DENND2B: variants seen among roughly 807,000 people sequenced by gnomAD.
DENND2B encodes the protein DENN domain containing 2B.
In DENND2B, 32 loss-of-function variants were observed where a neutral mutation model predicts 116.0. The observed-to-expected ratio is 0.28, with a 90% CI of 0.21 to 0.37. The LOEUF is 0.37. DENND2B is among the 10% of genes least tolerant of loss of function. The probability of loss-of-function intolerance (pLI) is 1.00; values close to 1 mark genes in which losing one functional copy is unlikely to be tolerated. For synonymous variants in DENND2B, 588 were observed against 583.9 expected (o/e 1.01, Z -0.10); for missense variants, 1,276 against 1,477.7 (o/e 0.86, Z 2.24).
intron 4 of DENND2B, among the ~76,000 whole-genome samples, chr11:8,838,936 AAC>A (rs2062527295): frequency 6.6e-6 from 1 of 152,222 alleles, no homozygotes. Context: ...TTAGGCCTAC[AAC>A]ACAGATGTAT....
At chr11:8,857,988 G>A (rs59314648) in intron 2 of DENND2B, among the ~76,000 whole-genome samples, 4,802 of 152,234 alleles carry the variant, frequency 0.032, 99 homozygotes, top group African/African-American at 0.047. Context: ...ACACTATTCT[G>A]TCCCCTCTGT....
At chr11:8,817,534 C>A (rs2061610250) in intron 4 of DENND2B, among the ~76,000 whole-genome samples, 1 of 152,150 alleles carries the variant, frequency 6.6e-6, no homozygotes, top group Non-Finnish European at 1.5e-5. Context: ...CAGCACCCCA[C>A]CCCTGACCTT....
chr11:8,820,508 T>C (rs1300291373), intron 4 of DENND2B, among the ~76,000 whole-genome samples: 1 of 152,174 alleles, frequency 6.6e-6, no homozygotes, highest in African/African-American at 2.4e-5. Context: ...AATCTCCATA[T>C]CAGTCATTCC....
At chr11:8,858,649 G>A (rs1192856344) in intron 2 of DENND2B, among the ~76,000 whole-genome samples, 2 of 152,096 alleles carry the variant, frequency 1.3e-5, no homozygotes, top group East Asian at 3.9e-4. Flanking sequence ...TCCATATGAG[G>A]GTAAAAAATA....
At chr11:8,815,817 C>A (rs1389650229) in intron 4 of DENND2B, among the ~76,000 whole-genome samples, 1 of 152,116 alleles carries the variant, frequency 6.6e-6, no homozygotes, top group Non-Finnish European at 1.5e-5. Flanking sequence ...TCAATGTATG[C>A]AATAAGTGTG....
At chr11:8,888,520 C>A (rs571532772) in intron 1 of DENND2B, among the ~76,000 whole-genome samples, 1 of 152,256 alleles carries the variant, frequency 6.6e-6, no homozygotes, top group African/African-American at 2.4e-5. Flanking sequence ...AATTGGCAAT[C>A]ATTTCTGGGA....
At chr11:8,789,712 G>C (rs1250740688) in intron 1 of DENND2B, among the ~76,000 whole-genome samples, 2 of 151,982 alleles carry the variant, frequency 1.3e-5, no homozygotes, top group Non-Finnish European at 2.9e-5. Context: ...TTCATGTTAA[G>C]AAATAAGAAG....
At chr11:8,745,451 G>A (rs186449794) in intron 2 of DENND2B, among the ~76,000 whole-genome samples, 7 of 152,284 alleles carry the variant, frequency 4.6e-5, no homozygotes, top group Admixed American at 2.0e-4. Flanking sequence ...GGGAGAGAGT[G>A]AGTGTATTTT....
At chr11:8,751,933 C>A (rs547902025) in intron 1 of DENND2B, among the ~76,000 whole-genome samples, 1 of 152,254 alleles carries the variant, frequency 6.6e-6, no homozygotes, top group South Asian at 2.1e-4. Flanking sequence ...AAAAAAGTCA[C>A]CTCATTCTAA....
In DENND2B at chr11:8,714,690, T is replaced by C; in HGVS notation, c.1862A>G (p.Asn621Ser). ...TCCTCTCTTGGCATTGTAGATGGAG[T>C]TAATTCTTTGGACAAGCTGGGTGAG... is the stretch of plus-strand genomic sequence containing the variant. The part of the protein sequence containing the change: ...RRIPKLVQRI[N>S]SIYNAKRGKK... Residue 621 changes from asparagine to serine, a missense_variant, in exon 7 of 20, where the codon AAC becomes AGC. This residue lies in a region of DENND2B where 856 missense variants were observed against 846.6 expected (regional missense o/e 1.01). Coordinates refer to ENST00000313726, the MANE Select transcript of DENND2B (RefSeq NM_213618.2). 1 of 1,614,140 alleles carries C rather than the reference T, an allele frequency of 6.2e-7. No individual in the cohort carries two copies. The highest frequency in any genetic ancestry group is 1.1e-5 in the South Asian group (1 of 91,076).
chr11:8,832,774 T>C (rs2062268673), intron 4 of DENND2B, among the ~76,000 whole-genome samples: 1 of 152,218 alleles, frequency 6.6e-6, no homozygotes, highest in Admixed American at 6.5e-5. Flanking sequence ...ACAAGGATTC[T>C]GGCAATTCAG....
intron 3 of DENND2B, among the ~76,000 whole-genome samples, chr11:8,840,178 G>A (rs182270842): frequency 7.4e-4 from 112 of 152,058 alleles, no homozygotes; most frequent in Admixed American, 2.0e-3. Flanking sequence ...CTCCAGAGAG[G>A]CCAACACACA....
intron 1 of DENND2B, among the ~76,000 whole-genome samples, chr11:8,796,560 A>G (rs1340260148): frequency 6.6e-6 from 1 of 152,208 alleles, no homozygotes; most frequent in Non-Finnish European, 1.5e-5. Flanking sequence ...GTATCAACCC[A>G]TAGAAACTAG....
In DENND2B at chr11:8,806,113, G is replaced by A. The variant is rs572934463; in HGVS notation, c.-26+4404C>T. ...CCTGCTGCTCCTGAGAACTGCCTCCGCCCAGGGCCCCTTGCCCAGTGCCTC... is the reference window on the plus strand; with the variant it reads ...CCTGCTGCTCCTGAGAACTGCCTCCACCCAGGGCCCCTTGCCCAGTGCCTC... On this transcript the variant is annotated intron_variant, in intron 1 of 19. Coordinates refer to ENST00000313726, the MANE Select transcript of DENND2B (RefSeq NM_213618.2). Among the ~76,000 whole-genome samples, 5 of 152,228 alleles carry A rather than the reference G, an allele frequency of 3.3e-5. 1 individual carries two copies. The South Asian group carries it at 6.2e-4, about 19-fold the overall frequency.
intron 1 of DENND2B, among the ~76,000 whole-genome samples, chr11:8,782,336 A>T (rs1035343927): frequency 3.9e-5 from 6 of 152,250 alleles, no homozygotes; most frequent in Admixed American, 2.0e-4. Context: ...ATGTAAAAGG[A>T]TAAGATATGC....
At position 8,730,851 on chromosome 11, in the gene DENND2B, G is replaced by C. The variant is rs139074777; in HGVS notation, c.439C>G (p.Pro147Ala). 68 of 1,613,436 alleles carry C rather than the reference G, an allele frequency of 4.2e-5. 2 individuals are homozygous for C. In the African/African-American group the frequency reaches 8.1e-4, roughly 19 times the overall value. Residue 147 changes from proline (P) to alanine (A), a missense_variant, in exon 3 of 20, where the codon CCC (proline) becomes GCC (alanine). Coordinates refer to ENST00000313726, the MANE Select transcript of DENND2B (RefSeq NM_213618.2). The surrounding 1 kb of genome is among the most constrained non-coding windows in gnomAD (Gnocchi z 4.1). ...GTACGGGTCAGCAAGACGCCCCGGG[G>C]GCCAGCTGCTGGCCCCGGGAATGGC... is the stretch of plus-strand genomic sequence containing the variant. ...STPFPGPAAG[P>A]RGVLLTRTGT...
chr11:8,825,779 A>C (rs778594895), intron 4 of DENND2B, among the ~76,000 whole-genome samples: 11 of 152,194 alleles, frequency 7.2e-5, no homozygotes, highest in Non-Finnish European at 1.3e-4. Context: ...AACAGGATAA[A>C]GATGGTTATT....
At chr11:8,746,884 T>A (rs1593090947) in intron 2 of DENND2B, among the ~76,000 whole-genome samples, 1 of 152,226 alleles carries the variant, frequency 6.6e-6, no homozygotes, top group South Asian at 2.1e-4. Flanking sequence ...TACCTCTTCC[T>A]ACTAGTTTTG....
At chr11:8,821,939 G>A (rs1010071112) in intron 4 of DENND2B, among the ~76,000 whole-genome samples, 2 of 152,092 alleles carry the variant, frequency 1.3e-5, no homozygotes, top group Non-Finnish European at 1.5e-5. Context: ...CTACAAGTGT[G>A]CACCACCACA....
Sources: gnomAD v4.1 joint callset for allele counts (sites outside exome capture counted in the v4.1 genomes callset) on GRCh38, gnomAD v4.1.1 for gene constraint, gnomAD v4.1.1 regional missense constraint, Gnocchi (gnomAD v3.1) non-coding constraint, MANE v1.5 for transcripts, NCBI Gene and HGNC (gene_info 2026-07-23, HGNC 2026-07-21) for gene names.